Variants in FANCB observed in about 807,000 individuals in gnomAD.
FANCB encodes FA complementation group B, also known as Fanconi anemia group B protein.
A neutral mutation model predicts 38.9 loss-of-function variants in FANCB; 5 were observed. The observed-to-expected ratio is 0.13, with a 90% CI of 0.07 to 0.27. The LOEUF is 0.27. FANCB is among the 10% of genes least tolerant of loss of function. The pLI is 1.00. For synonymous variants in FANCB, 236 were observed against 215.4 expected (o/e 1.10, Z -0.84); for missense variants, 573 against 602.7 (o/e 0.95, Z 0.52).
chrX:14,697,217 A>G, the FANCB span, among the ~76,000 whole-genome samples: 1 of 112,369 alleles, frequency 8.9e-6, no homozygotes, highest in Non-Finnish European at 1.9e-5. Context: ...TAATGCAATC[A>G]TACAGCCCAG....
chrX:14,767,294 A>T, the FANCB span, among the ~76,000 whole-genome samples: 2 of 111,916 alleles, frequency 1.8e-5, no homozygotes, highest in African/African-American at 6.5e-5. Flanking sequence ...GAATTAATTT[A>T]CACTCCCACC....
At chrX:14,738,701 ACT>A in the FANCB span, among the ~76,000 whole-genome samples, 1 of 111,510 alleles carries the variant, frequency 9.0e-6, no homozygotes, top group East Asian at 2.8e-4. Flanking sequence ...AAGGCTTGAG[ACT>A]CTTTATGGCA....
intron 7 of FANCB, among the ~76,000 whole-genome samples, chrX:14,845,661 T>C (rs776980439): frequency 6.3e-5 from 7 of 111,804 alleles, no homozygotes; most frequent in Non-Finnish European, 9.4e-5. Flanking sequence ...GTCTTTTTTT[T>C]CTCCTCTTTT....
At chrX:14,715,884 T>C in the FANCB span, among the ~76,000 whole-genome samples, 7 of 111,891 alleles carry the variant, frequency 6.3e-5, no homozygotes, top group African/African-American at 2.3e-4. Flanking sequence ...TCCAACGGCA[T>C]CTATTCCACT....
chrX:14,711,597 C>G, the FANCB span, among the ~76,000 whole-genome samples: 5 of 112,510 alleles, frequency 4.4e-5, no homozygotes, highest in Admixed American at 3.8e-4. Context: ...CCTGTGTATA[C>G]CATCATGCTA....
the FANCB span, among the ~76,000 whole-genome samples, chrX:14,788,622 C>CA: frequency 4.5e-5 from 5 of 112,308 alleles, no homozygotes; most frequent in African/African-American, 1.6e-4. Flanking sequence ...CCAGCCTCAG[C>CA]ATGATAAAGC....
the FANCB span, among the ~76,000 whole-genome samples, chrX:14,785,516 C>T: frequency 8.9e-6 from 1 of 111,921 alleles, no homozygotes; most frequent in Non-Finnish European, 1.9e-5. Flanking sequence ...GCATTCTTAC[C>T]GAGTGTTAAA....
chrX:14,836,753 C>T (rs995394643), intron 10 of FANCB, among the ~76,000 whole-genome samples: 11 of 111,724 alleles, frequency 9.8e-5, no homozygotes, highest in Admixed American at 2.8e-4. Context: ...ATCTTACAAC[C>T]GCCCCCAACA....
chrX:14,731,716 C>T, the FANCB span: 1 of 111,290 alleles, frequency 9.0e-6, no homozygotes. Context: ...TAAAAGACAA[C>T]CTGTAAAAAT....
chrX:14,711,478 A>G, the FANCB span, among the ~76,000 whole-genome samples: 2 of 112,191 alleles, frequency 1.8e-5, no homozygotes, highest in Non-Finnish European at 3.8e-5. Flanking sequence ...ATGAATGATT[A>G]TGGGAACCTG....
At chrX:14,698,426 C>T in the FANCB span, among the ~76,000 whole-genome samples, 1 of 109,413 alleles carries the variant, frequency 9.1e-6, no homozygotes, top group Admixed American at 9.8e-5. Flanking sequence ...CACTTGTAAT[C>T]CCAGCACTTT....
At chrX:14,712,812 A>G in the FANCB span, among the ~76,000 whole-genome samples, 1 of 111,444 alleles carries the variant, frequency 9.0e-6, no homozygotes, top group Non-Finnish European at 1.9e-5. Flanking sequence ...AAGATCATAA[A>G]GTGGGAGTCC....
At chrX:14,845,747 C>T (rs2092374180) in intron 7 of FANCB, among the ~76,000 whole-genome samples, 1 of 111,734 alleles carries the variant, frequency 8.9e-6, no homozygotes, top group Non-Finnish European at 1.9e-5. Flanking sequence ...CAGCTCTAAA[C>T]TAAAAATTGT....
chrX:14,860,469 T>C (rs2092442048), intron 3 of FANCB, among the ~76,000 whole-genome samples: 1 of 112,183 alleles, frequency 8.9e-6, no homozygotes, highest in East Asian at 2.8e-4. Flanking sequence ...ACTATGTATG[T>C]ATGCATGTGT....
intron 1 of FANCB, among the ~76,000 whole-genome samples, chrX:14,870,694 C>A (rs2092492280): frequency 9.0e-6 from 1 of 111,494 alleles, no homozygotes; most frequent in Admixed American, 9.5e-5. Context: ...ACTGCCCCCC[C>A]TCTTAATAAA....
At chrX:14,769,048 G>A in the FANCB span, among the ~76,000 whole-genome samples, 1 of 111,136 alleles carries the variant, frequency 9.0e-6, no homozygotes, top group East Asian at 2.8e-4. Flanking sequence ...ACCTGCTGCT[G>A]GACTCAGTTT....
At chrX:14,840,079 T>A (rs781287904), downstream of FANCB, among the ~76,000 whole-genome samples, 16 of 111,882 alleles carry the variant, frequency 1.4e-4, no homozygotes, top group Non-Finnish European at 3.0e-4. Context: ...GGTCTCGAAC[T>A]CCTGACCTCA....
At chrX:14,803,588 G>A in the FANCB span, among the ~76,000 whole-genome samples, 3 of 112,123 alleles carry the variant, frequency 2.7e-5, no homozygotes, top group Admixed American at 9.5e-5. Context: ...ATTACATTTC[G>A]AAATGCCTTT....
chrX:14,827,364 T>C, the FANCB span, among the ~76,000 whole-genome samples: 35 of 112,289 alleles, frequency 3.1e-4, no homozygotes, highest in African/African-American at 1.0e-3. Context: ...GGATATGATA[T>C]ATATTACTAT....
Sources: gnomAD v4.1 joint callset for allele counts (sites outside exome capture counted in the v4.1 genomes callset) on GRCh38, gnomAD v4.1.1 for gene constraint, MANE v1.5 for transcripts, NCBI Gene and HGNC (gene_info 2026-07-23, HGNC 2026-07-21) for gene names.